The following CACNA1C variants were observed in gnomAD, a reference collection of about 807,000 sequenced individuals.
CACNA1C encodes the protein calcium voltage-gated channel subunit alpha1 C, also known as voltage-dependent L-type calcium channel subunit alpha-1C.
In CACNA1C, 30 loss-of-function variants were observed where a neutral mutation model predicts 229.0. That is an observed-to-expected ratio of 0.13 (90% CI 0.10 to 0.18). The LOEUF is 0.18. Ranked by LOEUF, CACNA1C falls within the 10% of genes least tolerant of loss-of-function variation. The pLI is 1.00. For missense variants in CACNA1C, 1,658 were observed against 2,845.0 expected (o/e 0.58, Z 9.49); for synonymous variants, 1,114 against 1,132.5 (o/e 0.98, Z 0.33).
intron 3 of CACNA1C, among the ~76,000 whole-genome samples, chr12:2,153,416 AGGACT>A (rs2095393536): frequency 6.6e-6 from 1 of 152,180 alleles, no homozygotes; most frequent in Non-Finnish European, 1.5e-5. Context: ...ATCCATCTCC[AGGACT>A]GTTTTCTTCC....
At chr12:2,323,949 T>C (rs2096154966) in intron 3 of CACNA1C, among the ~76,000 whole-genome samples, 3 of 152,154 alleles carry the variant, frequency 2.0e-5, no homozygotes, top group Admixed American at 2.0e-4. Context: ...GTGAAGGGCA[T>C]GGAGAAGATG....
chr12:2,516,743 G>A (rs550264737), intron 9 of CACNA1C, among the ~76,000 whole-genome samples: 87 of 152,316 alleles, frequency 5.7e-4, no homozygotes, highest in African/African-American at 2.0e-3. Context: ...GATCAGGAAA[G>A]CCATCTGAGA....
chr12:2,310,352 A>AAAAAAAAAAAAAAAT (rs201363709), intron 3 of CACNA1C, among the ~76,000 whole-genome samples: 2 of 139,828 alleles, frequency 1.4e-5, no homozygotes, highest in African/African-American at 5.3e-5. Flanking sequence ...TAAAAAAAAA[A>AAAAAAAAAAAAAAAT]ATATATATAT....
intron 30 of CACNA1C, among the ~76,000 whole-genome samples, chr12:2,642,048 G>A (rs1236396703): frequency 2.0e-5 from 3 of 152,168 alleles, no homozygotes; most frequent in Non-Finnish European, 4.4e-5. Context: ...CCTGAGAAGT[G>A]GCCTGGTGCA....
intron 7 of CACNA1C, among the ~76,000 whole-genome samples, chr12:2,501,272 G>A (rs931113539): frequency 1.4e-5 from 2 of 147,304 alleles, no homozygotes; most frequent in African/African-American, 5.1e-5. Context: ...GAAAGGGACT[G>A]CTTCTGACCC....
At chr12:2,339,402 AT>A (rs1479274237) in intron 3 of CACNA1C, among the ~76,000 whole-genome samples, 5 of 152,234 alleles carry the variant, frequency 3.3e-5, no homozygotes, top group African/African-American at 1.2e-4. Flanking sequence ...TGTGGACTTT[AT>A]TAACAGTGGA....
At chr12:2,205,751 A>G (rs1422524548) in intron 3 of CACNA1C, among the ~76,000 whole-genome samples, 1 of 152,166 alleles carries the variant, frequency 6.6e-6, no homozygotes, top group Non-Finnish European at 1.5e-5. Flanking sequence ...TGGGGGGACT[A>G]CAAAGACGGA....
chr12:2,416,185 A>C (rs1046184068), intron 3 of CACNA1C, among the ~76,000 whole-genome samples: 1 of 151,260 alleles, frequency 6.6e-6, no homozygotes. Context: ...TTATTTGTTC[A>C]CTCATTTACC....
At chr12:2,449,975 C>G (rs1473799927) in intron 4 of CACNA1C, among the ~76,000 whole-genome samples, 2 of 152,126 alleles carry the variant, frequency 1.3e-5, no homozygotes, top group African/African-American at 4.8e-5. Flanking sequence ...CCCAGAAAAC[C>G]AGACTGCTCA....
intron 3 of CACNA1C, among the ~76,000 whole-genome samples, chr12:2,292,312 T>C (rs182922623): frequency 6.8e-4 from 104 of 152,326 alleles, no homozygotes; most frequent in Non-Finnish European, 1.4e-3. Context: ...AGCATGCATG[T>C]GTTCAGTTAG....
intron 31 of CACNA1C, among the ~76,000 whole-genome samples, chr12:2,648,901 G>A (rs183783385): frequency 1.9e-3 from 289 of 152,294 alleles, no homozygotes; most frequent in African/African-American, 6.4e-3. Flanking sequence ...GGGCTCCAGG[G>A]TAAGGAGGGA....
At chr12:2,593,442 A>T in intron 19 of CACNA1C, 97 bp downstream of exon 19, 1 of 1,307,552 alleles carries the variant, frequency 7.6e-7, no homozygotes, top group Non-Finnish European at 1.1e-6. Context: ...GGAGACTGAG[A>T]CTCTCCCAGC....
intron 3 of CACNA1C, among the ~76,000 whole-genome samples, chr12:2,350,480 GTC>G (rs2097173252): frequency 6.6e-6 from 1 of 152,222 alleles, no homozygotes; most frequent in Non-Finnish European, 1.5e-5. Flanking sequence ...TCCAGAATCT[GTC>G]TCTTTCATCT....
chr12:2,010,121 A>G (rs1390516491), intron 1 of CACNA1C, among the ~76,000 whole-genome samples: 2 of 152,240 alleles, frequency 1.3e-5, no homozygotes, highest in African/African-American at 4.8e-5. Flanking sequence ...TTACCCAATT[A>G]GTGTTCAAAT....
intron 3 of CACNA1C, among the ~76,000 whole-genome samples, chr12:2,328,253 G>A (rs1256070808): frequency 6.6e-6 from 1 of 152,082 alleles, no homozygotes. Context: ...TTAGTACCTG[G>A]GTAGCAGAAC....
chr12:2,482,458 C>G (rs774853578), intron 5 of CACNA1C, among the ~76,000 whole-genome samples: 3 of 152,228 alleles, frequency 2.0e-5, no homozygotes, highest in Non-Finnish European at 2.9e-5. Flanking sequence ...CACTCCACTG[C>G]TCTGGACCCA....
intron 1 of CACNA1C, among the ~76,000 whole-genome samples, chr12:2,037,439 G>A (rs887928781): frequency 6.6e-6 from 1 of 152,236 alleles, no homozygotes; most frequent in African/African-American, 2.4e-5. Flanking sequence ...AGTTAGCTGT[G>A]AGTTAAAGTA....
intron 1 of CACNA1C, among the ~76,000 whole-genome samples, chr12:2,039,919 T>C (rs2049796498): frequency 6.6e-6 from 1 of 152,062 alleles, no homozygotes; most frequent in Non-Finnish European, 1.5e-5. Flanking sequence ...AGAGTGCTTC[T>C]GGAGATGGGG....
At chr12:2,690,760 A>G in intron 46 of CACNA1C, 140 bp from the exon 47 acceptor site, 2 of 781,356 alleles carry the variant, frequency 2.6e-6, no homozygotes, top group Non-Finnish European at 4.0e-6. Context: ...CCCTCCCAAC[A>G]CACACACGTA....
Sources: allele counts gnomAD v4.1 joint callset (sites outside exome capture counted in the v4.1 genomes callset), GRCh38; gene constraint gnomAD v4.1.1; transcripts MANE v1.5; gene names NCBI Gene and HGNC (gene_info 2026-07-23, HGNC 2026-07-21).